The following TOP2A variants were observed in gnomAD, a reference collection of about 807,000 sequenced individuals.
TOP2A encodes the protein DNA topoisomerase II alpha.
A neutral mutation model predicts 187.2 loss-of-function variants in TOP2A; 68 were observed. The observed-to-expected ratio is 0.36, with a 90% CI of 0.30 to 0.44. TOP2A has a LOEUF of 0.44. Ranked by LOEUF, TOP2A falls within the 20% of genes least tolerant of loss-of-function variation. TOP2A has a pLI of 1.00. For synonymous variants in TOP2A, 542 were observed against 593.2 expected (o/e 0.91, Z 1.25); for missense variants, 1,196 against 1,808.7 (o/e 0.66, Z 6.14).
At chr17:40,405,323 G>A (rs2035226664) in intron 16 of TOP2A, among the ~76,000 whole-genome samples, 1 of 151,140 alleles carries the variant, frequency 6.6e-6, no homozygotes, top group Admixed American at 6.6e-5. Flanking sequence ...CTAATATTTT[G>A]TATTTTTAGT....
At chr17:40,403,306 G>A (rs895354914) in intron 19 of TOP2A, among the ~76,000 whole-genome samples, 11 of 152,154 alleles carry the variant, frequency 7.2e-5, no homozygotes, top group Admixed American at 2.0e-4. Flanking sequence ...TCAGCAAAAT[G>A]AAATATTTCC....
intron 10 of TOP2A, chr17:40,409,369 G>C: frequency 2.4e-6 from 1 of 413,786 alleles, no homozygotes; most frequent in Non-Finnish European, 4.7e-6. Flanking sequence ...GTGAGAAGCT[G>C]TCTCCAAAAA....
rs2035168933 is a variant in TOP2A at position 40,400,726 on chromosome 17, A to C, written c.2665-63T>G. On this transcript the variant is annotated intron_variant, in intron 21 of 34. Transcript: ENST00000423485. ...TGTGATACTAGACGGAAATCACAAC[A>C]GCGTTTAACAATAAATCTAAAGTAT... is the stretch of plus-strand genomic sequence containing the variant. 1.9e-5 allele frequency: 29 copies of C among 1,536,840 alleles called. No individual in the cohort carries two copies. The South Asian group carries it at 3.4e-4, about 18-fold the overall frequency.
At position 40,407,316 on chromosome 17, in the gene TOP2A, G is replaced by A. The variant is rs527530278; in HGVS notation, c.1626+233C>T. ...AAAAAAATATTATGACTGACCTACT[G>A]GCAATTTGTCAAATTTTCTATGGGA... On this transcript the variant is annotated intron_variant, in intron 13 of 34. Coordinates refer to ENST00000423485, the MANE Select transcript of TOP2A (RefSeq NM_001067.4). 2.0e-5 allele frequency among the ~76,000 whole-genome samples: 3 copies of A among 152,126 alleles called. No homozygotes were observed. In the East Asian group the frequency reaches 5.8e-4, roughly 29 times the overall value.
chr17:40,416,696 A>G (rs1007802059), intron 2 of TOP2A, 44 bp downstream of exon 2: 2 of 1,590,850 alleles, frequency 1.3e-6, no homozygotes, highest in Non-Finnish European at 1.7e-6. Flanking sequence ...AAGAGTATCC[A>G]TTTCAACTAC....
rs542469191 is a variant in TOP2A at position 40,408,361 on chromosome 17, G to A, written c.1342+131C>T. On this transcript the variant is annotated intron_variant, in intron 11 of 34. Coordinates refer to ENST00000423485, the MANE Select transcript of TOP2A (RefSeq NM_001067.4). ...AATCTTCCATAATAGGAAACGGGCC[G>A]ATTTTTAACAAGTTATTCTGTTGAA... The A allele has an allele frequency of 4.5e-5, 47 of 1,052,962 alleles. No homozygotes were observed. The South Asian group carries it at 7.4e-4, about 17-fold the overall frequency. The allele number at this position is 1,052,962 out of a possible 1,614,324, so 65.2% of individuals were successfully genotyped here.
chr17:40,405,349 C>CTGGT (rs1246465840), intron 16 of TOP2A, among the ~76,000 whole-genome samples: 1 of 151,692 alleles, frequency 6.6e-6, no homozygotes. Context: ...TGGGGTTTCA[C>CTGGT]CATGTTGGTC....
chr17:40,392,429 G>A, intron 30 of TOP2A, 88 bp from the exon 31 acceptor site: 1 of 1,496,784 alleles, frequency 6.7e-7, no homozygotes, highest in South Asian at 1.3e-5. Flanking sequence ...GAATATTTTA[G>A]TTTTTAAATC....
intron 26 of TOP2A, 56 bp from the exon 27 acceptor site, chr17:40,398,697 T>C (rs979841565): frequency 1.2e-6 from 2 of 1,604,528 alleles, no homozygotes; most frequent in Admixed American, 1.7e-5. Flanking sequence ...AGCATTTTCA[T>C]GCAACACACA....
chr17:40,394,297 A>C (rs977464895), intron 29 of TOP2A, among the ~76,000 whole-genome samples: 6 of 152,178 alleles, frequency 3.9e-5, no homozygotes, highest in Non-Finnish European at 7.3e-5. Flanking sequence ...AAATTGTATT[A>C]AAACTGTTTG....
At chr17:40,395,157 C>T (rs1567782037) in intron 29 of TOP2A, among the ~76,000 whole-genome samples, 1 of 151,968 alleles carries the variant, frequency 6.6e-6, no homozygotes, top group Non-Finnish European at 1.5e-5. Flanking sequence ...GTGGCATGCA[C>T]CTATAATCCC....
intron 32 of TOP2A, 160 bp downstream of exon 32, chr17:40,391,908 T>C (rs2035025778): frequency 1.2e-6 from 1 of 850,602 alleles, no homozygotes; most frequent in Non-Finnish European, 1.8e-6. Context: ...CCTATTTACA[T>C]GTGAAACTAA....
chr17:40,408,774 G>A (rs1374431878), intron 10 of TOP2A, 144 bp from the exon 11 acceptor site: 6 of 884,412 alleles, frequency 6.8e-6, no homozygotes, highest in Non-Finnish European at 1.1e-5. Context: ...GATAGAGGGT[G>A]GCACATCTTC....
In TOP2A at chr17:40,406,370, C is replaced by A; in HGVS notation, c.1953+14G>T. 1.3e-6 allele frequency: 2 copies of A among 1,587,720 alleles called. No homozygotes were observed. Among genetic ancestry groups the A allele is most frequent in the Admixed American group, 1.8e-5 (1 of 57,030 alleles). On this transcript the variant is annotated intron_variant, in intron 16 of 34. Transcript: ENST00000423485. ...CTAAAATTAGAATGTATATAAAATA[C>A]AACTCAAACCTACCAGGCTGATAGC...
Position 40,411,789 on chromosome 17 carries a change from C to T in TOP2A, c.819G>A (p.Met273Ile), listed in dbSNP as rs369242449. 5.0e-6 allele frequency: 8 copies of T among 1,601,250 alleles called. No homozygotes were observed. The African/African-American group carries it at 1.1e-4, about 22-fold the overall frequency. ...TTTCATCCAACTTGTCCTTCAAATA[C>T]ATGTCCACATAACTACGAAATCCTT... Reference protein sequence around the residue: ...PVKGFRSYVDMYLKDKLDETG... With the variant: ...PVKGFRSYVDIYLKDKLDETG... The change falls in exon 8 of 35, where the codon ATG becomes ATA. Residue 273 changes from methionine (M) to isoleucine (I), a missense_variant. Met to Ile is a conservative substitution (Grantham distance 10). Transcript: ENST00000423485. This position sits in a 1 kb window ranked among gnomAD's most constrained non-coding sequence, Gnocchi z 4.4.
intron 20 of TOP2A, among the ~76,000 whole-genome samples, chr17:40,401,747 T>C (rs2035183895): frequency 6.6e-6 from 1 of 151,682 alleles, no homozygotes; most frequent in South Asian, 2.1e-4. Context: ...ACTGAGGGAC[T>C]GAACCATGTG....
In TOP2A at chr17:40,399,058, C is replaced by A; in HGVS notation, c.3270G>T (p.Trp1090Cys). 1 of 1,591,588 alleles carries A rather than the reference C, an allele frequency of 6.3e-7. No individual in the cohort carries two copies. The highest frequency in any genetic ancestry group is 8.6e-7 in the Non-Finnish European group (1 of 1,167,372). Residue 1090 changes from tryptophan (W) to cysteine (C), a missense_variant, in exon 25 of 35, where the codon TGG (tryptophan) becomes TGT (cysteine). Around this residue, in one of 10 missense-constraint regions of TOP2A, gnomAD observed 232 missense variants for 306.1 expected, o/e 0.76. Transcript: ENST00000423485. ...AGATTACCTTTTGCTGGGCTTCTTT[C>A]CAGGCCTTCACAGGATCCGAATCAT... ...RGYDSDPVKA[W>C]KEAQQKVPDE...
Position 40,395,556 on chromosome 17 carries a change from T to C in TOP2A, c.3721-17A>G. ...ATTTTCATTCTAAAAGATAGCAAAG[T>C]TAGGGTTGGATATAGAATAAATTCT... On this transcript the variant is annotated splice_polypyrimidine_tract_variant and intron_variant, in intron 28 of 34. Transcript: ENST00000423485. The C allele has an allele frequency of 6.5e-7, 1 of 1,549,022 alleles. No individual in the cohort carries two copies. Among genetic ancestry groups the C allele is most frequent in the Admixed American group, 1.7e-5 (1 of 57,696 alleles).
intron 2 of TOP2A, 55 bp downstream of exon 2, chr17:40,416,685 G>A: frequency 6.4e-7 from 1 of 1,574,260 alleles, no homozygotes; most frequent in African/African-American, 1.4e-5. Context: ...GGTACAGAAA[G>A]AAGAGTATCC....
Sources: gnomAD v4.1 joint callset for allele counts (sites outside exome capture counted in the v4.1 genomes callset) on GRCh38, gnomAD v4.1.1 for gene constraint, gnomAD v4.1.1 regional missense constraint, Gnocchi (gnomAD v3.1) non-coding constraint, MANE v1.5 for transcripts, NCBI Gene and HGNC (gene_info 2026-07-23, HGNC 2026-07-21) for gene names.